TSC22D4: variants seen among roughly 807,000 people sequenced by gnomAD.
TSC22D4 encodes the protein TSC22 domain family member 4.
A neutral mutation model predicts 24.9 loss-of-function variants in TSC22D4; 5 were observed. That is an observed-to-expected ratio of 0.20 (90% CI 0.10 to 0.42). The LOEUF is 0.42. Ranked by LOEUF, TSC22D4 falls within the 10% of genes least tolerant of loss-of-function variation. The probability of loss-of-function intolerance (pLI) is 1.00; values close to 1 mark genes in which losing one functional copy is unlikely to be tolerated. For missense variants in TSC22D4, 469 were observed against 547.9 expected (o/e 0.86, Z 1.44); for synonymous variants, 245 against 243.2 (o/e 1.01, Z -0.07).
chr7:100,478,183 T>G lies in TSC22D4; in HGVS notation c.-145A>C, dbSNP rs1584354123. 4.2e-6 allele frequency: 1 copy of G among 240,426 alleles called. No homozygotes were observed. Among genetic ancestry groups the G allele is most frequent in the Non-Finnish European group, 6.1e-6 (1 of 163,824 alleles). The allele number at this position is 240,426 out of a possible 1,614,324, so 14.9% of individuals were successfully genotyped here. On this transcript the variant is annotated 5_prime_UTR_variant, in exon 2 of 5. Transcript: ENST00000300181. ...CTGGGTCCGACATGGCAGGAGGGCC[T>G]GGCGGGAACCGGGGGTGCCTGCTGG...
Position 100,474,706 on chromosome 7 carries a change from G to A in TSC22D4, c.763-266C>T, listed in dbSNP as rs1284154176. On this transcript the variant is annotated intron_variant, in intron 2 of 4. Transcript: ENST00000300181. The surrounding 1 kb of genome is among the most constrained non-coding windows in gnomAD (Gnocchi z 4.3). ...AGTCTCCCAAGTGGGAGGAGGGGGTGACTGACGGAGGAACCCAGAATAGAC... is the reference window on the plus strand; with the variant it reads ...AGTCTCCCAAGTGGGAGGAGGGGGTAACTGACGGAGGAACCCAGAATAGAC... 6.6e-6 allele frequency among the ~76,000 whole-genome samples: 1 copy of A among 152,206 alleles called. No homozygotes were observed. The highest frequency in any genetic ancestry group is 1.9e-4 in the East Asian group (1 of 5,190).
rs1426184822 is a variant in TSC22D4 at position 100,466,965 on chromosome 7, G to C, written c.1182C>G (p.Ser394=). 1 of 1,563,098 alleles carries C rather than the reference G, an allele frequency of 6.4e-7. No homozygotes were observed. The highest frequency in any genetic ancestry group is 8.7e-7 in the Non-Finnish European group (1 of 1,153,712). The change falls in exon 5 of 5, where the codon TCC becomes TCG. Residue 394 remains serine, a synonymous_variant. Coordinates refer to ENST00000300181, the MANE Select transcript of TSC22D4 (RefSeq NM_030935.5). ...ATTGTAAGGGAAGGGAGGCTCAGAC[G>C]GAGGGCCCATTGGGCGCAGGGGGCC... is the stretch of plus-strand genomic sequence containing the variant. ...RLGPPAPNGP[S]V is the part of the protein sequence containing the mutation.
intron 3 of TSC22D4, chr7:100,468,187 C>T (rs1399681826): frequency 1.3e-5 from 4 of 310,172 alleles, no homozygotes; most frequent in East Asian, 1.1e-4. Context: ...CCTCGGTGGG[C>T]GGGAATTCCC....
At position 100,477,226 on chromosome 7, in the gene TSC22D4, G is replaced by C; in HGVS notation, c.762+51C>G. 7.4e-7 allele frequency: 1 copy of C among 1,353,060 alleles called. No homozygotes were observed. The highest frequency in any genetic ancestry group is 9.7e-7 in the Non-Finnish European group (1 of 1,031,862). 83.8% of individuals were successfully genotyped at this position (1,353,060 alleles called of 1,614,324 possible). On this transcript the variant is annotated intron_variant, in intron 2 of 4. Transcript: ENST00000300181. This position sits in a 1 kb window ranked among gnomAD's most constrained non-coding sequence, Gnocchi z 7.8. ...GGGGAGGAGGAGGAAGGAGGCTCAA[G>C]ATAGAGGTTAGGCCAGGGCTGATGG...
chr7:100,472,924 G>T (rs569499022), intron 3 of TSC22D4, among the ~76,000 whole-genome samples: 1 of 152,034 alleles, frequency 6.6e-6, no homozygotes, highest in African/African-American at 2.4e-5. Flanking sequence ...ACCCACTCTC[G>T]AAGCCCCACC....
At chr7:100,468,748 C>G (rs1469776124) in intron 3 of TSC22D4, among the ~76,000 whole-genome samples, 1 of 151,608 alleles carries the variant, frequency 6.6e-6, no homozygotes, top group Non-Finnish European at 1.5e-5. Flanking sequence ...ACCAGCCTGG[C>G]CAACATGGAG....
Position 100,477,555 on chromosome 7 carries a change from G to C in TSC22D4, c.484C>G (p.Gln162Glu). ...LRPPPTSPGP[Q>E]ARSFTGGLGQ... ...AGTCCCCCAGTGAAGGAGCGGGCCT[G>C]AGGTCCAGGAGAGGTGGGGGGTGGA... Residue 162 changes from glutamine to glutamate, a missense_variant, in exon 2 of 5, where the codon CAG (glutamine) becomes GAG (glutamate). Gln to Glu is a conservative substitution (Grantham distance 29, BLOSUM62 2). Coordinates refer to ENST00000300181, the MANE Select transcript of TSC22D4 (RefSeq NM_030935.5). The surrounding 1 kb of genome is among the most constrained non-coding windows in gnomAD (Gnocchi z 7.8). The C allele has an allele frequency of 1.3e-6, 2 of 1,571,220 alleles. No individual in the cohort carries two copies. Among genetic ancestry groups the C allele is most frequent in the East Asian group, 2.3e-5 (1 of 44,390 alleles).
Position 100,467,852 on chromosome 7 carries a change from C to T in TSC22D4, c.930-252G>A, listed in dbSNP as rs775021914. 1,201 of 676,546 alleles carry T rather than the reference C, an allele frequency of 1.8e-3. 1 individual carries two copies. The highest frequency in any genetic ancestry group is 2.3e-3 in the Non-Finnish European group (818 of 359,428). 41.9% of individuals were successfully genotyped at this position (676,546 alleles called of 1,614,324 possible). ...GGAGAGCAAGGGGAAGAGGCACAGC[C>T]CCTTTTTCGGGGCAGCCCCGGAGCC... On this transcript the variant is annotated intron_variant, in intron 3 of 4. Coordinates refer to ENST00000300181, the MANE Select transcript of TSC22D4 (RefSeq NM_030935.5).
At chr7:100,472,105 G>C (rs1189371119) in intron 3 of TSC22D4, among the ~76,000 whole-genome samples, 3 of 151,924 alleles carry the variant, frequency 2.0e-5, no homozygotes, top group Non-Finnish European at 2.9e-5. Flanking sequence ...TTCAGGGACT[G>C]GTCAGGCGTC....
At chr7:100,471,708 C>A (rs1439316342) in intron 3 of TSC22D4, among the ~76,000 whole-genome samples, 3 of 151,952 alleles carry the variant, frequency 2.0e-5, no homozygotes, top group Non-Finnish European at 4.4e-5. Context: ...CCACTGCATT[C>A]CAGCTTGGGA....
Position 100,467,739 on chromosome 7 carries a change from C to T in TSC22D4, c.930-139G>A, listed in dbSNP as rs780544668. 5.3e-5 allele frequency: 50 copies of T among 949,862 alleles called. No homozygotes were observed. The South Asian group carries it at 6.9e-4, about 13-fold the overall frequency. The allele number at this position is 949,862 out of a possible 1,614,324, so 58.8% of individuals were successfully genotyped here. On this transcript the variant is annotated intron_variant, in intron 3 of 4. Transcript: ENST00000300181. ...GGGAGAGGAGGGTTTTGTCCATCCCCCTGCGGGTTGAAGGCCGCTGCCCAG... is the reference window on the plus strand; with the variant it reads ...GGGAGAGGAGGGTTTTGTCCATCCCTCTGCGGGTTGAAGGCCGCTGCCCAG...
intron 2 of TSC22D4, among the ~76,000 whole-genome samples, chr7:100,476,618 A>AC (rs1799501169): frequency 6.6e-6 from 1 of 152,068 alleles, no homozygotes; most frequent in South Asian, 2.1e-4. Flanking sequence ...CACAGTGGTC[A>AC]CCCTCGAGTT....
chr7:100,474,093 G>C lies in TSC22D4; in HGVS notation c.929+181C>G. The C allele has an allele frequency of 2.8e-6, 2 of 715,772 alleles. No homozygotes were observed. The highest frequency in any genetic ancestry group is 4.5e-6 in the Non-Finnish European group (2 of 444,522). 44.3% of individuals were successfully genotyped at this position (715,772 alleles called of 1,614,324 possible). A position where few individuals can be genotyped will look rare whatever the true frequency, so the allele number is the denominator to read the frequency against. ...AGTCCCACCCAGCCCTCTCCACAGAGAGGGAGTGGGTCCGAAATCAACTGT... is the reference window on the plus strand; with the variant it reads ...AGTCCCACCCAGCCCTCTCCACAGACAGGGAGTGGGTCCGAAATCAACTGT... On this transcript the variant is annotated intron_variant, in intron 3 of 4. Coordinates refer to ENST00000300181, the MANE Select transcript of TSC22D4 (RefSeq NM_030935.5). The surrounding 1 kb of genome is among the most constrained non-coding windows in gnomAD (Gnocchi z 4.3).
chr7:100,478,086 TC>T lies in TSC22D4; in HGVS notation c.-49del, dbSNP rs1180824040. The T allele has an allele frequency of 6.6e-7, 1 of 1,509,338 alleles. No individual in the cohort carries two copies. The highest frequency in any genetic ancestry group is 8.9e-7 in the Non-Finnish European group (1 of 1,120,106). The allele number at this position is 1,509,338 out of a possible 1,614,324, so 93.5% of individuals were successfully genotyped here. ...GCCAAGGTTGGGGGTGGGTTGGGGC[TC>T]CTTGAAGGGGCTCAGGCACCCCTGG... On this transcript the variant is annotated 5_prime_UTR_variant, in exon 2 of 5. Coordinates refer to ENST00000300181, the MANE Select transcript of TSC22D4 (RefSeq NM_030935.5).
Position 100,478,322 on chromosome 7 carries a change from G to GA in TSC22D4, c.-269-16_-269-15insT. On this transcript the variant is annotated splice_polypyrimidine_tract_variant and intron_variant, in intron 1 of 4. Coordinates refer to ENST00000300181, the MANE Select transcript of TSC22D4 (RefSeq NM_030935.5). ...GAGTTTGCAAACTGGAAAAAGAGGG[G>GA]GAGAGAGAGAGAGAGAGAGAGAGAG... 1 of 198,900 alleles carries GA rather than the reference G, an allele frequency of 5.0e-6. No homozygotes were observed. Among genetic ancestry groups the GA allele is most frequent in the Non-Finnish European group, 8.8e-6 (1 of 113,694 alleles). 12.3% of individuals were successfully genotyped at this position (198,900 alleles called of 1,614,324 possible). A position where few individuals can be genotyped will look rare whatever the true frequency, so the allele number is the denominator to read the frequency against.
rs1015785224 is a variant in TSC22D4 at position 100,471,170 on chromosome 7, G to C, written c.929+3104C>G. Among the ~76,000 whole-genome samples the C allele has an allele frequency of 8.2e-5, 11 of 134,198 alleles. No homozygotes were observed. In the Admixed American group the frequency reaches 8.2e-4, roughly 10 times the overall value. 88.0% of individuals were successfully genotyped at this position (134,198 alleles called of 152,430 possible). A position where few individuals can be genotyped will look rare whatever the true frequency, so the allele number is the denominator to read the frequency against. ...GGGGCCAAGAAAGTGTCATCCAGCT[G>C]CCCTGTCTCTATGCTGTCCCGGATC... On this transcript the variant is annotated intron_variant, in intron 3 of 4. Transcript: ENST00000300181.
intron 3 of TSC22D4, among the ~76,000 whole-genome samples, chr7:100,469,793 G>C (rs1282956299): frequency 6.6e-6 from 1 of 152,198 alleles, no homozygotes; most frequent in Non-Finnish European, 1.5e-5. Context: ...CTTTCCTGCA[G>C]GGGGATCAGC....
In TSC22D4 at chr7:100,474,119, G is replaced by A; in HGVS notation, c.929+155C>T. ...AGGGAGTGGGTCCGAAATCAACTGT[G>A]TGCAGTGGCTATGCCCAGGCCAGGT... On this transcript the variant is annotated intron_variant, in intron 3 of 4. Coordinates refer to ENST00000300181, the MANE Select transcript of TSC22D4 (RefSeq NM_030935.5). The surrounding 1 kb of genome is among the most constrained non-coding windows in gnomAD (Gnocchi z 4.3). The A allele has an allele frequency of 2.2e-6, 2 of 917,736 alleles. No homozygotes were observed. The highest frequency in any genetic ancestry group is 1.6e-6 in the Non-Finnish European group (1 of 611,678). The allele number at this position is 917,736 out of a possible 1,614,324, so 56.8% of individuals were successfully genotyped here.
At position 100,466,640 on chromosome 7, in the gene TSC22D4, A is replaced by C; in HGVS notation, c.*319T>G. The C allele has an allele frequency of 1.5e-4, 52 of 346,478 alleles. No homozygotes were observed. Among genetic ancestry groups the C allele is most frequent in the East Asian group, 2.6e-4 (5 of 19,356 alleles). The allele number at this position is 346,478 out of a possible 1,614,324, so 21.5% of individuals were successfully genotyped here. ...AGAGGAGAGGAGGCACCTCAAGGGA[A>C]CAAGATGGGGGTGGGGTGTCTGCCG... On this transcript the variant is annotated 3_prime_UTR_variant, in exon 5 of 5. Coordinates refer to ENST00000300181, the MANE Select transcript of TSC22D4 (RefSeq NM_030935.5).
Sources: allele counts gnomAD v4.1 joint callset (sites outside exome capture counted in the v4.1 genomes callset), GRCh38; gene constraint gnomAD v4.1.1; non-coding constraint Gnocchi (gnomAD v3.1); transcripts MANE v1.5; gene names NCBI Gene and HGNC (gene_info 2026-07-23, HGNC 2026-07-21).